Variants in CERT1 observed in about 807,000 individuals in gnomAD.
CERT1 encodes the protein ceramide transfer protein.
In CERT1, 31 loss-of-function variants were observed where a neutral mutation model predicts 87.9. That is an observed-to-expected ratio of 0.35 (90% confidence interval 0.27 to 0.48). The LOEUF (loss-of-function observed/expected upper bound fraction) is 0.48. Among genes scored for constraint, CERT1 ranks in the 20% least tolerant of loss-of-function variants. The pLI is 0.99. For missense variants in CERT1, 487 were observed against 758.0 expected (o/e 0.64, Z 4.20); for synonymous variants, 289 against 250.9 (o/e 1.15, Z -1.44).
chr5:75,392,994 AAAAG>A (rs1466415794), intron 11 of CERT1, among the ~76,000 whole-genome samples: 85 of 148,404 alleles, frequency 5.7e-4, no homozygotes, highest in Non-Finnish European at 1.2e-3. Context: ...AAAAAAAAAA[AAAAG>A]AAGTGGGAAA....
chr5:75,429,197 A>AATT (rs1189870583), intron 3 of CERT1, among the ~76,000 whole-genome samples: 5,488 of 146,642 alleles, frequency 0.037, 146 homozygotes, highest in Middle Eastern at 0.079. Flanking sequence ...TAATAATAAT[A>AATT]ATTATTATTA....
At chr5:75,420,581 T>C (rs1210011061) in intron 5 of CERT1, among the ~76,000 whole-genome samples, 2 of 152,054 alleles carry the variant, frequency 1.3e-5, no homozygotes, top group Non-Finnish European at 2.9e-5. Context: ...CTCCTGACCA[T>C]GATATCAATT....
chr5:75,470,566 C>G (rs1020617968), intron 2 of CERT1, among the ~76,000 whole-genome samples: 3 of 152,184 alleles, frequency 2.0e-5, no homozygotes, highest in Non-Finnish European at 2.9e-5. Flanking sequence ...CAAAATTCAA[C>G]ATCCTTTCAT....
upstream of CERT1, chr5:75,511,658 C>T: frequency 6.6e-7 from 1 of 1,514,664 alleles, no homozygotes; most frequent in Non-Finnish European, 8.9e-7. Flanking sequence ...CTTTCCCCTC[C>T]CCTTCGTCCT....
intron 11 of CERT1, among the ~76,000 whole-genome samples, chr5:75,393,107 G>A (rs1461781303): frequency 6.8e-6 from 1 of 147,290 alleles, no homozygotes; most frequent in South Asian, 2.1e-4. Context: ...TGACATTCTA[G>A]GAAATAATGT....
chr5:75,448,980 T>G (rs543465259), intron 3 of CERT1, among the ~76,000 whole-genome samples: 1 of 152,274 alleles, frequency 6.6e-6, no homozygotes, highest in Admixed American at 6.5e-5. Context: ...AAACACATAG[T>G]AAACATTATA....
chr5:75,400,593 C>A, intron 9 of CERT1: 2 of 263,382 alleles, frequency 7.6e-6, no homozygotes, highest in Non-Finnish European at 1.4e-5. Flanking sequence ...TATCATGGGT[C>A]AATCTTAACG....
chr5:75,425,703 T>C (rs569225775), intron 4 of CERT1, among the ~76,000 whole-genome samples: 9 of 152,396 alleles, frequency 5.9e-5, no homozygotes, highest in Non-Finnish European at 1.2e-4. Flanking sequence ...AAGCCACTTA[T>C]GAATGATGAT....
intron 11 of CERT1, among the ~76,000 whole-genome samples, chr5:75,398,018 C>T (rs770568644): frequency 3.3e-5 from 5 of 151,282 alleles, no homozygotes; most frequent in East Asian, 1.9e-4. Flanking sequence ...GACCCTGTCT[C>T]GAAAATAAAT....
intron 2 of CERT1, among the ~76,000 whole-genome samples, chr5:75,460,240 A>C (rs182966714): frequency 6.6e-6 from 1 of 152,344 alleles, no homozygotes; most frequent in African/African-American, 2.4e-5. Flanking sequence ...TCATTTATCA[A>C]ATCTTATGAA....
Position 75,511,453 on chromosome 5 carries a change from C to CCGT in CERT1, c.-249_-247dup. On this transcript the variant is annotated 5_prime_UTR_variant, in exon 1 of 17. Coordinates refer to ENST00000643780, the MANE Select transcript of CERT1 (RefSeq NM_001379029.1). ...CCCTTCCAGCCGTCAGCCGCCGCCG[C>CCGT]CGTCGCCGTGACCCCTGCGTTGCGC... The CCGT allele has an allele frequency of 6.5e-7, 1 of 1,531,280 alleles. No homozygotes were observed. The highest frequency in any genetic ancestry group is 1.2e-5 in the South Asian group (1 of 82,248). The allele number at this position is 1,531,280 out of a possible 1,614,324, so 94.9% of individuals were successfully genotyped here.
chr5:75,401,105 TACTC>T (rs1236910417), intron 9 of CERT1: 2 of 152,346 alleles, frequency 1.3e-5, no homozygotes, highest in African/African-American at 4.8e-5. Flanking sequence ...AAGCTCTCAC[TACTC>T]TATAGAGTAT....
intron 8 of CERT1, among the ~76,000 whole-genome samples, chr5:75,407,806 T>G (rs1337715933): frequency 6.6e-6 from 1 of 151,282 alleles, no homozygotes; most frequent in Non-Finnish European, 1.5e-5. Flanking sequence ...TCAAGAGTTT[T>G]GCCTAGGCCT....
At chr5:75,424,362 A>T (rs1763511574) in intron 5 of CERT1, among the ~76,000 whole-genome samples, 1 of 152,126 alleles carries the variant, frequency 6.6e-6, no homozygotes, top group African/African-American at 2.4e-5. Context: ...CGGGCAGATC[A>T]TGAGGTCAGG....
At chr5:75,437,385 C>T (rs1276113864) in intron 3 of CERT1, among the ~76,000 whole-genome samples, 1 of 152,086 alleles carries the variant, frequency 6.6e-6, no homozygotes, top group Non-Finnish European at 1.5e-5. Flanking sequence ...AATGTGGAGG[C>T]TACGAGTTTA....
Position 75,379,099 on chromosome 5 carries a change from T to G in CERT1, c.*247A>C. On this transcript the variant is annotated 3_prime_UTR_variant, in exon 17 of 17. Transcript: ENST00000643780. The stretch of plus-strand genomic sequence containing the variant: ...TGGGAAGGCTGAGATGAGAGGATTG[T>G]TTGAGGCCAGAGGTTGAGGTTGCAG... 2.8e-6 allele frequency: 1 copy of G among 361,608 alleles called. No homozygotes were observed. The highest frequency in any genetic ancestry group is 5.0e-6 in the Non-Finnish European group (1 of 198,984). 22.4% of individuals were successfully genotyped at this position (361,608 alleles called of 1,614,324 possible).
intron 3 of CERT1, among the ~76,000 whole-genome samples, chr5:75,458,255 T>C (rs950883734): frequency 1.3e-5 from 2 of 152,146 alleles, no homozygotes; most frequent in East Asian, 1.9e-4. Context: ...ATTATATGAA[T>C]GTACCTTATA....
At chr5:75,425,785 T>C (rs923570462) in intron 4 of CERT1, among the ~76,000 whole-genome samples, 1 of 152,232 alleles carries the variant, frequency 6.6e-6, no homozygotes, top group Non-Finnish European at 1.5e-5. Context: ...ACCTGACAGT[T>C]TGCAAATATA....
At chr5:75,494,626 A>G (rs1353490315) in intron 2 of CERT1, among the ~76,000 whole-genome samples, 2 of 152,012 alleles carry the variant, frequency 1.3e-5, no homozygotes, top group East Asian at 3.9e-4. Context: ...TCCACCCCCA[A>G]CTCTCCATTC....
Sources: gnomAD v4.1 joint callset for allele counts (sites outside exome capture counted in the v4.1 genomes callset) on GRCh38, gnomAD v4.1.1 for gene constraint, MANE v1.5 for transcripts, NCBI Gene and HGNC (gene_info 2026-07-23, HGNC 2026-07-21) for gene names.